LYPD6: variants seen among roughly 807,000 people sequenced by gnomAD.
LYPD6 encodes the protein ly6/PLAUR domain-containing protein 6.
In LYPD6, 15 loss-of-function variants were observed where a neutral mutation model predicts 22.7. That is an observed-to-expected ratio of 0.66 (90% CI 0.44 to 1.02). The LOEUF is 1.02. LYPD6 is among the 50% of genes least tolerant of loss of function. The pLI is 0.00. For missense variants in LYPD6, 189 were observed against 208.4 expected, an observed-to-expected ratio of 0.91 and a Z score of 0.57; for synonymous variants, 72 against 77.5, an observed-to-expected ratio of 0.93 and a Z score of 0.37.
chr2:149,333,089 A>G lies in LYPD6; in HGVS notation c.-72+2367A>G, dbSNP rs1385440720. 2.6e-5 allele frequency among the ~76,000 whole-genome samples: 4 copies of G among 152,212 alleles called. No individual in the cohort carries two copies. In the East Asian group the frequency reaches 5.8e-4, roughly 22 times the overall value. On this transcript the variant is annotated intron_variant, in intron 1 of 4. Transcript: ENST00000334166. The stretch of plus-strand genomic sequence containing the variant: ...AATAAATGAATATCTCATTAGTGCT[A>G]TTCTTATTTTAAAAAGAATTGACAA...
intron 2 of LYPD6, among the ~76,000 whole-genome samples, chr2:149,438,058 A>G (rs372018956): frequency 9.8e-5 from 15 of 152,296 alleles, no homozygotes; most frequent in African/African-American, 3.4e-4. Context: ...TCCCTACACA[A>G]TCACTCTGAT....
chr2:149,437,905 A>G, intron 2 of LYPD6, 79 bp downstream of exon 2: 2 of 1,501,102 alleles, frequency 1.3e-6, no homozygotes, highest in Non-Finnish European at 1.8e-6. Flanking sequence ...AGGAAAAGGC[A>G]TCCTTCAGTA....
At chr2:149,402,461 A>G (rs1484841290) in intron 1 of LYPD6, among the ~76,000 whole-genome samples, 2 of 152,198 alleles carry the variant, frequency 1.3e-5, no homozygotes, top group Non-Finnish European at 2.9e-5. Flanking sequence ...AGGAATCTCC[A>G]CACTGTTTTC....
At chr2:149,455,410 C>G (rs541837415) in intron 3 of LYPD6, among the ~76,000 whole-genome samples, 1 of 151,844 alleles carries the variant, frequency 6.6e-6, no homozygotes, top group Non-Finnish European at 1.5e-5. Flanking sequence ...AGGCGCCCAC[C>G]ACCACACCCA....
intron 1 of LYPD6, among the ~76,000 whole-genome samples, chr2:149,352,919 C>A (rs182802685): frequency 1.0e-3 from 152 of 152,266 alleles, no homozygotes; most frequent in African/African-American, 3.5e-3. Flanking sequence ...TCGGTTGGGC[C>A]TTAAAAGAAA....
At chr2:149,384,036 A>G (rs1480153227) in intron 1 of LYPD6, among the ~76,000 whole-genome samples, 1 of 152,184 alleles carries the variant, frequency 6.6e-6, no homozygotes, top group Non-Finnish European at 1.5e-5. Flanking sequence ...GAGCTGCTCA[A>G]GGGTAGAGGC....
intron 3 of LYPD6, among the ~76,000 whole-genome samples, chr2:149,452,640 A>G (rs1158979803): frequency 1.3e-5 from 2 of 152,186 alleles, no homozygotes; most frequent in Non-Finnish European, 2.9e-5. Context: ...CACCTCATCT[A>G]AGTATTCAAT....
chr2:149,448,504 T>C (rs1683735800), intron 2 of LYPD6, among the ~76,000 whole-genome samples: 1 of 152,110 alleles, frequency 6.6e-6, no homozygotes, highest in African/African-American at 2.4e-5. Context: ...CAAGGGTTCC[T>C]CCTACTGGCC....
chr2:149,334,756 ATTT>A (rs34573058), intron 1 of LYPD6, among the ~76,000 whole-genome samples: 200 of 143,476 alleles, frequency 1.4e-3, no homozygotes, highest in African/African-American at 4.9e-3. Flanking sequence ...GCAAGTAACG[ATTT>A]TTTTTTTTTT....
intron 1 of LYPD6, among the ~76,000 whole-genome samples, chr2:149,403,717 G>A (rs1355668687): frequency 6.6e-6 from 1 of 151,930 alleles, no homozygotes; most frequent in African/African-American, 2.4e-5. Context: ...CTCTTGCTGT[G>A]CAGAAGCTCT....
At chr2:149,438,083 C>A (rs553030437) in intron 2 of LYPD6, among the ~76,000 whole-genome samples, 1 of 152,312 alleles carries the variant, frequency 6.6e-6, no homozygotes, top group Non-Finnish European at 1.5e-5. Flanking sequence ...AACACTCTTC[C>A]CCTTGTACTC....
intron 1 of LYPD6, among the ~76,000 whole-genome samples, chr2:149,360,314 C>G (rs529163704): frequency 1.3e-5 from 2 of 152,328 alleles, no homozygotes; most frequent in East Asian, 1.9e-4. Flanking sequence ...AGCCTCCTAT[C>G]TCATCCTGTG....
rs145207847 is a variant in LYPD6 at position 149,467,751 on chromosome 2, A to G, written c.218-894A>G. Among the ~76,000 whole-genome samples the G allele has an allele frequency of 3.6e-3, 547 of 152,298 alleles. 3 individuals carry two copies. Among genetic ancestry groups the G allele is most frequent in the African/African-American group, 0.012 (519 of 41,564 alleles). On this transcript the variant is annotated intron_variant, in intron 3 of 4. Coordinates refer to ENST00000334166, the MANE Select transcript of LYPD6 (RefSeq NM_194317.5). Reference sequence around the variant, plus strand: ...ATTATTCATTTTCTTTTTTAATGTGAAAGTAGAGCAAGAACATTCTCCTAA... The same window carrying G: ...ATTATTCATTTTCTTTTTTAATGTGGAAGTAGAGCAAGAACATTCTCCTAA...
intron 1 of LYPD6, among the ~76,000 whole-genome samples, chr2:149,353,386 A>G (rs1681393995): frequency 6.6e-6 from 1 of 152,216 alleles, no homozygotes; most frequent in Non-Finnish European, 1.5e-5. Flanking sequence ...AGGATGATGC[A>G]CATTACTATT....
At chr2:149,459,339 G>A (rs1157691174) in intron 3 of LYPD6, among the ~76,000 whole-genome samples, 1 of 152,168 alleles carries the variant, frequency 6.6e-6, no homozygotes, top group Non-Finnish European at 1.5e-5. Context: ...ATTTTCAGGG[G>A]AAGGAAAACT....
At chr2:149,421,968 A>G in intron 1 of LYPD6, among the ~76,000 whole-genome samples, 1 of 152,162 alleles carries the variant, frequency 6.6e-6, no homozygotes, top group Non-Finnish European at 1.5e-5. Flanking sequence ...GGGATCAGCT[A>G]GAAAGTCTGA....
chr2:149,484,085 A>G, the LYPD6 span, among the ~76,000 whole-genome samples: 3 of 152,228 alleles, frequency 2.0e-5, no homozygotes, highest in African/African-American at 2.4e-5. Flanking sequence ...AACAAACGTT[A>G]ATAGATTTGT....
chr2:149,462,248 A>G (rs1181343825), intron 3 of LYPD6, among the ~76,000 whole-genome samples: 1 of 152,008 alleles, frequency 6.6e-6, no homozygotes, highest in Non-Finnish European at 1.5e-5. Flanking sequence ...ATCAATTAAC[A>G]TGTGGACACT....
intron 1 of LYPD6, chr2:149,367,580 C>G (rs937879468): frequency 6.6e-6 from 1 of 152,174 alleles, no homozygotes; most frequent in Non-Finnish European, 1.5e-5. Context: ...TCCCAACAAG[C>G]CTTCAGGATC....
Sources: gnomAD v4.1 joint callset for allele counts (sites outside exome capture counted in the v4.1 genomes callset) on GRCh38, gnomAD v4.1.1 for gene constraint, MANE v1.5 for transcripts, NCBI Gene and HGNC (gene_info 2026-07-23, HGNC 2026-07-21) for gene names.